Variants in VPS41 observed in about 807,000 individuals in gnomAD.
VPS41 encodes VPS41 subunit of HOPS complex.
VPS41 carries 85 observed loss-of-function variants against 130.9 expected under a neutral mutation model. That is an observed-to-expected ratio of 0.65 (90% CI 0.55 to 0.78). The LOEUF is 0.78. VPS41 is among the 30% of genes least tolerant of loss of function. The probability of loss-of-function intolerance (pLI) is 0.00; values close to 1 mark genes in which losing one functional copy is unlikely to be tolerated. For missense variants in VPS41, 874 were observed against 1,018.7 expected (o/e 0.86, Z 1.93); for synonymous variants, 335 against 332.9 (o/e 1.01, Z -0.07).
intron 3 of VPS41, among the ~76,000 whole-genome samples, chr7:38,864,633 T>C (rs1379153226): frequency 6.6e-6 from 1 of 152,162 alleles, no homozygotes; most frequent in African/African-American, 2.4e-5. Flanking sequence ...GCTAATACTT[T>C]CCACTACTTA....
chr7:38,786,565 A>G (rs1399316373), intron 10 of VPS41, among the ~76,000 whole-genome samples: 4 of 152,360 alleles, frequency 2.6e-5, no homozygotes, highest in Non-Finnish European at 5.9e-5. Context: ...TAAAGCAAAT[A>G]TAGTAAAATC....
rs1311750149 is a variant in VPS41, at chr7:38,831,215, C to T, written c.247-887G>A. The T allele has an allele frequency of 6.4e-6, 3 of 471,128 alleles. No homozygotes were observed. The East Asian group carries it at 2.1e-4, about 33-fold the overall frequency. The allele number at this position is 471,128 out of a possible 1,614,324, so 29.2% of individuals were successfully genotyped here. A position where few individuals can be genotyped will look rare whatever the true frequency, so the allele number is the denominator to read the frequency against. On this transcript the variant is annotated intron_variant, in intron 4 of 28. Transcript: ENST00000310301. ...TCTTGGCAAATATAAACTGCACCTA[C>T]CTCTGATTGTAATTTCTTTGGCATC...
chr7:38,767,024 C>A (rs897351037), intron 15 of VPS41, among the ~76,000 whole-genome samples: 1 of 148,060 alleles, frequency 6.8e-6, no homozygotes, highest in Non-Finnish European at 1.5e-5. Context: ...GTATCACAAC[C>A]CACTGCATGG....
At chr7:38,854,977 G>A (rs757490106) in intron 4 of VPS41, among the ~76,000 whole-genome samples, 10 of 151,678 alleles carry the variant, frequency 6.6e-5, no homozygotes, top group East Asian at 1.9e-4. Flanking sequence ...TTGGCAGGCC[G>A]AGGTGGGCGG....
intron 5 of VPS41, among the ~76,000 whole-genome samples, chr7:38,828,601 T>C (rs1218359915): frequency 1.3e-5 from 2 of 152,194 alleles, no homozygotes; most frequent in Non-Finnish European, 1.5e-5. Context: ...AGCTTCTCAA[T>C]TTTCACAATA....
intron 17 of VPS41, among the ~76,000 whole-genome samples, chr7:38,761,267 T>C (rs1384042501): frequency 1.9e-3 from 3 of 1,568 alleles, no homozygotes; most frequent in Middle Eastern, 0.1. Flanking sequence ...TCCTCTCTTT[T>C]TTTTTTTTTT....
At chr7:38,893,750 A>G (rs1786915801) in intron 2 of VPS41, among the ~76,000 whole-genome samples, 1 of 152,240 alleles carries the variant, frequency 6.6e-6, no homozygotes, top group Non-Finnish European at 1.5e-5. Flanking sequence ...TTGCATTTCT[A>G]CTTTAACTGC....
At chr7:38,870,796 G>A (rs1786340003) in intron 2 of VPS41, among the ~76,000 whole-genome samples, 10 of 59,508 alleles carry the variant, frequency 1.7e-4, no homozygotes, top group East Asian at 5.7e-4. Flanking sequence ...TGAAAAGATA[G>A]AAATTTTCAA....
At chr7:38,877,186 T>C (rs1276889197) in intron 2 of VPS41, among the ~76,000 whole-genome samples, 1 of 152,150 alleles carries the variant, frequency 6.6e-6, no homozygotes, top group Non-Finnish European at 1.5e-5. Flanking sequence ...CAAACGTATG[T>C]AGTAACAGCA....
At chr7:38,858,066 T>C (rs1236855433) in intron 4 of VPS41, among the ~76,000 whole-genome samples, 1 of 152,166 alleles carries the variant, frequency 6.6e-6, no homozygotes, top group East Asian at 1.9e-4. Flanking sequence ...GAAGAAGTCT[T>C]ATAGGTGGCA....
At chr7:38,895,201 A>T (rs940525346) in intron 2 of VPS41, among the ~76,000 whole-genome samples, 1 of 152,158 alleles carries the variant, frequency 6.6e-6, no homozygotes, top group Non-Finnish European at 1.5e-5. Flanking sequence ...GCACACCTGT[A>T]ATCACAGCTA....
intron 1 of VPS41, 128 bp from the exon 2 acceptor site, chr7:38,898,257 CT>C: frequency 1.4e-6 from 1 of 695,010 alleles, no homozygotes; most frequent in Non-Finnish European, 2.5e-6. Flanking sequence ...TACAACTATA[CT>C]TTAGAGGACC....
At chr7:38,761,243 T>TC (rs1562575932) in intron 17 of VPS41, among the ~76,000 whole-genome samples, 3 of 123,380 alleles carry the variant, frequency 2.4e-5, no homozygotes, top group Admixed American at 1.0e-4. Flanking sequence ...TTCTTTGTTT[T>TC]TCTCTCTCTC....
chr7:38,808,952 A>G (rs2116052954), intron 7 of VPS41, among the ~76,000 whole-genome samples: 1 of 152,346 alleles, frequency 6.6e-6, no homozygotes, highest in African/African-American at 2.4e-5. Context: ...AAAAGGGCAC[A>G]GACTTTCAGT....
intron 4 of VPS41, 102 bp downstream of exon 4, chr7:38,862,443 A>G (rs1786136711): frequency 1.5e-6 from 1 of 648,906 alleles, no homozygotes; most frequent in Non-Finnish European, 2.6e-6. Context: ...ATTAATAAAG[A>G]TCCTCTTTAT....
At chr7:38,903,491 G>A (rs946677304) in intron 1 of VPS41, among the ~76,000 whole-genome samples, 5 of 152,160 alleles carry the variant, frequency 3.3e-5, no homozygotes, top group Non-Finnish European at 7.3e-5. Flanking sequence ...CTTTGCAGGA[G>A]GGCTCACCTG....
intron 10 of VPS41, among the ~76,000 whole-genome samples, chr7:38,780,495 G>C (rs1046795840): frequency 1.3e-5 from 2 of 152,122 alleles, no homozygotes; most frequent in African/African-American, 4.8e-5. Context: ...TTCTAGCAGA[G>C]TAAGAAAGAG....
chr7:38,775,936 T>TA (rs1784250975), intron 11 of VPS41, among the ~76,000 whole-genome samples: 2 of 152,152 alleles, frequency 1.3e-5, no homozygotes, highest in African/African-American at 4.8e-5. Flanking sequence ...AGAAAATCCT[T>TA]TACAGTATGC....
At chr7:38,871,886 C>T (rs1336824152) in intron 2 of VPS41, among the ~76,000 whole-genome samples, 2 of 152,182 alleles carry the variant, frequency 1.3e-5, no homozygotes, top group East Asian at 3.8e-4. Flanking sequence ...GACTCAAACT[C>T]ATAGGTTCAA....
Sources: gnomAD v4.1 joint callset for allele counts (sites outside exome capture counted in the v4.1 genomes callset) on GRCh38, gnomAD v4.1.1 for gene constraint, MANE v1.5 for transcripts, NCBI Gene and HGNC (gene_info 2026-07-23, HGNC 2026-07-21) for gene names.